CCR3: variants seen among roughly 807,000 people sequenced by gnomAD.
The protein encoded by CCR3 is C-C motif chemokine receptor 3, also known as C-C chemokine receptor type 3.
For synonymous variants in CCR3, 203 were observed against 179.2 expected (o/e 1.13, Z -1.06); for missense variants, 419 against 437.5 (o/e 0.96, Z 0.38).
chr3:46,243,016 T>TATATATATATATAC (rs1700122982), intron 1 of CCR3, among the ~76,000 whole-genome samples: 3 of 143,154 alleles, frequency 2.1e-5, no homozygotes, highest in Admixed American at 7.0e-5. Context: ...CACACACACA[T>TATATATATATATAC]ACATTTTTAT....
At chr3:46,247,253 A>G (rs75365760) in intron 1 of CCR3, among the ~76,000 whole-genome samples, 1 of 152,206 alleles carries the variant, frequency 6.6e-6, no homozygotes, top group Admixed American at 6.5e-5. Flanking sequence ...AGTTGAGAAC[A>G]GAGAACAGGA....
chr3:46,234,944 A>G (rs1247432970), intron 2 of CCR3, among the ~76,000 whole-genome samples: 1 of 152,224 alleles, frequency 6.6e-6, no homozygotes, highest in African/African-American at 2.4e-5. Context: ...ACGCCCATGC[A>G]TAGCCCCCAT....
chr3:46,249,019 T>C (rs896193964), intron 1 of CCR3, among the ~76,000 whole-genome samples: 1 of 152,148 alleles, frequency 6.6e-6, no homozygotes, highest in African/African-American at 2.4e-5. Flanking sequence ...ATAACAGGCT[T>C]TAATCCTTTT....
intron 2 of CCR3, among the ~76,000 whole-genome samples, chr3:46,236,604 T>C (rs755354742): frequency 9.9e-5 from 15 of 152,220 alleles, no homozygotes; most frequent in Non-Finnish European, 2.1e-4. Context: ...GGCTTCCAGT[T>C]CCTCTAATTC....
At chr3:46,263,477 C>T (rs1700563608) in intron 1 of CCR3, 1 of 154,524 alleles carries the variant, frequency 6.5e-6, no homozygotes, top group Non-Finnish European at 1.5e-5. Context: ...CCATTTTCCT[C>T]CTCAAAAGCC....
intron 1 of CCR3, among the ~76,000 whole-genome samples, chr3:46,242,990 T>TATATATATACAC (rs1357926283): frequency 8.6e-6 from 1 of 116,630 alleles, no homozygotes; most frequent in African/African-American, 4.0e-5. Context: ...CACATATATA[T>TATATATATACAC]ATATATATAT....
At chr3:46,228,534 A>G (rs572138067) in intron 2 of CCR3, among the ~76,000 whole-genome samples, 1 of 152,274 alleles carries the variant, frequency 6.6e-6, no homozygotes, top group South Asian at 2.1e-4. Flanking sequence ...TCTTTTAATG[A>G]TATGACATAA....
intron 2 of CCR3, among the ~76,000 whole-genome samples, chr3:46,224,216 G>C (rs1298624220): frequency 6.6e-6 from 1 of 152,068 alleles, no homozygotes; most frequent in East Asian, 1.9e-4. Flanking sequence ...TAAAACCACT[G>C]GTTTTAATGA....
chr3:46,258,271 C>T (rs955286072), intron 1 of CCR3, among the ~76,000 whole-genome samples: 1 of 152,144 alleles, frequency 6.6e-6, no homozygotes, highest in African/African-American at 2.4e-5. Context: ...TACTTAATTT[C>T]CAAATAAAGA....
At chr3:46,236,725 A>G (rs1700029014) in intron 2 of CCR3, among the ~76,000 whole-genome samples, 1 of 152,228 alleles carries the variant, frequency 6.6e-6, no homozygotes, top group South Asian at 2.1e-4. Context: ...GAGGCAGCAC[A>G]TAGTGGGACC....
At chr3:46,225,399 C>T (rs980267039) in intron 2 of CCR3, among the ~76,000 whole-genome samples, 3 of 152,188 alleles carry the variant, frequency 2.0e-5, no homozygotes, top group South Asian at 2.1e-4. Flanking sequence ...GGCATGGTGG[C>T]ACCTGCCTGT....
chr3:46,216,639 T>A (rs934732918), intron 2 of CCR3, among the ~76,000 whole-genome samples: 20 of 152,130 alleles, frequency 1.3e-4, no homozygotes, highest in Non-Finnish European at 2.6e-4. Context: ...TGAAAACCTA[T>A]CAGATTAACA....
upstream of CCR3, among the ~76,000 whole-genome samples, chr3:46,242,133 A>T (rs1198172780): frequency 3.6e-5 from 2 of 55,174 alleles, no homozygotes; most frequent in South Asian, 3.5e-4. Flanking sequence ...ATCCTGTCTT[A>T]AAAAAAAAAA....
chr3:46,265,449 TA>T lies in CCR3; in HGVS notation c.293del (p.Asn98ThrfsTer27). On this transcript the variant is annotated frameshift_variant, in exon 2 of 2. Transcript: ENST00000395940. LOFTEE classifies it low-confidence loss of function (END_TRUNC). ...TCTGGATCCACTATGTCAGGGGGCA[TA>T]ACTGGGTTTTTGGCCATGGCATGTG... ...PFWIHYVRGHNWVFGHGMCKL... is the reference protein window; with the variant it reads ...PFWIHYVRGHXWVFGHGMCKL... 2 of 1,614,206 alleles carry T rather than the reference TA, an allele frequency of 1.2e-6. No individual in the cohort carries two copies. The highest frequency in any genetic ancestry group is 1.7e-6 in the Non-Finnish European group (2 of 1,180,026).
intron 1 of CCR3, among the ~76,000 whole-genome samples, chr3:46,242,983 A>G (rs1210622936): frequency 2.9e-5 from 1 of 34,034 alleles, no homozygotes; most frequent in Non-Finnish European, 5.3e-5. Flanking sequence ...ATATATACAC[A>G]TATATATATA....
chr3:46,219,347 A>G (rs1427951360), intron 2 of CCR3, among the ~76,000 whole-genome samples: 1 of 152,194 alleles, frequency 6.6e-6, no homozygotes, highest in Non-Finnish European at 1.5e-5. Context: ...ACACAAACAA[A>G]TAGAAACACA....
At chr3:46,229,494 T>A (rs1305148023) in intron 2 of CCR3, among the ~76,000 whole-genome samples, 1 of 152,150 alleles carries the variant, frequency 6.6e-6, no homozygotes, top group Non-Finnish European at 1.5e-5. Flanking sequence ...GCCTTAAATA[T>A]TCAGGCTGTG....
chr3:46,264,494 A>G (rs2125936411), intron 1 of CCR3: 3 of 1,324,086 alleles, frequency 2.3e-6, no homozygotes, highest in Non-Finnish European at 3.1e-6. Flanking sequence ...TTTAAAAATC[A>G]CTACATTTGA....
At chr3:46,254,537 G>A (rs895672928) in intron 1 of CCR3, among the ~76,000 whole-genome samples, 2 of 152,106 alleles carry the variant, frequency 1.3e-5, no homozygotes, top group African/African-American at 4.8e-5. Flanking sequence ...TTTGTTATAT[G>A]AATAATTTCT....
Sources: allele counts gnomAD v4.1 joint callset (sites outside exome capture counted in the v4.1 genomes callset), GRCh38; gene constraint gnomAD v4.1.1; transcripts MANE v1.5; gene names NCBI Gene and HGNC (gene_info 2026-07-23, HGNC 2026-07-21).